TRPC4: variants seen among roughly 807,000 people sequenced by gnomAD.
The protein encoded by TRPC4 is short transient receptor potential channel 4.
TRPC4 carries 49 observed loss-of-function variants against 99.4 expected under a neutral mutation model. That is an observed-to-expected ratio of 0.49 (90% CI 0.39 to 0.63). The LOEUF is 0.63. Among genes scored for constraint, TRPC4 ranks in the 20% least tolerant of loss-of-function variants. The probability of loss-of-function intolerance (pLI) is 0.00; values close to 1 mark genes in which losing one functional copy is unlikely to be tolerated. For synonymous variants in TRPC4, 454 were observed against 425.9 expected, an observed-to-expected ratio of 1.07 and a Z score of -0.81; for missense variants, 898 against 1,152.9, an observed-to-expected ratio of 0.78 and a Z score of 3.20.
chr13:37,680,692 TA>T (rs1953207890), intron 4 of TRPC4, among the ~76,000 whole-genome samples: 1 of 152,146 alleles, frequency 6.6e-6, no homozygotes, highest in African/African-American at 2.4e-5. Flanking sequence ...TAAGGAAGAA[TA>T]TTCTGGCAAT....
intron 7 of TRPC4, among the ~76,000 whole-genome samples, chr13:37,652,845 A>C (rs1156448296): frequency 6.9e-6 from 1 of 144,218 alleles, no homozygotes. Context: ...TATTGCAATC[A>C]CTAAGCAAGT....
At chr13:37,643,578 C>A (rs900014664) in intron 8 of TRPC4, among the ~76,000 whole-genome samples, 15 of 152,080 alleles carry the variant, frequency 9.9e-5, no homozygotes, top group African/African-American at 3.6e-4. Context: ...GTAGGATGAG[C>A]AAATATGCTA....
intron 4 of TRPC4, among the ~76,000 whole-genome samples, chr13:37,688,349 T>C (rs1405751413): frequency 6.6e-6 from 1 of 152,208 alleles, no homozygotes; most frequent in Non-Finnish European, 1.5e-5. Flanking sequence ...AACCTTATTC[T>C]GCCATTGTAC....
chr13:37,713,395 G>T (rs554410987), intron 3 of TRPC4, among the ~76,000 whole-genome samples: 1 of 152,276 alleles, frequency 6.6e-6, no homozygotes, highest in South Asian at 2.1e-4. Context: ...AAGATTGCCT[G>T]AAATAAAAGC....
Position 37,746,142 on chromosome 13 carries a change from C to G in TRPC4, c.692G>C (p.Ser231Thr). 1 of 1,613,858 alleles carries G rather than the reference C, an allele frequency of 6.2e-7. No homozygotes were observed. Among genetic ancestry groups the G allele is most frequent in the African/African-American group, 1.3e-5 (1 of 75,024 alleles). Residue 231 changes from serine to threonine, a missense_variant, in exon 3 of 11, where the codon AGC (serine) becomes ACC (threonine). By Grantham distance (58) the Ser-to-Thr change is moderately conservative. Coordinates refer to ENST00000379705, the MANE Select transcript of TRPC4 (RefSeq NM_016179.4). ...CGACTTGAATTCATTTTCCACCTTG[C>G]TCAGTTCCTGAAGTTCCCAACTTAA... ...FQLSWELQEL[S>T]KVENEFKSEY...
At chr13:37,803,336 A>G (rs1225649493) in intron 1 of TRPC4, among the ~76,000 whole-genome samples, 1 of 152,050 alleles carries the variant, frequency 6.6e-6, no homozygotes, top group African/African-American at 2.4e-5. Flanking sequence ...TACTACTGGA[A>G]TGTCACTGAC....
chr13:37,680,497 G>A (rs906724984), intron 4 of TRPC4, among the ~76,000 whole-genome samples: 5 of 152,086 alleles, frequency 3.3e-5, no homozygotes, highest in Non-Finnish European at 7.3e-5. Flanking sequence ...TGCATAAATT[G>A]CCAACGATTG....
chr13:37,767,379 T>G (rs890196097), intron 2 of TRPC4, among the ~76,000 whole-genome samples: 1 of 151,278 alleles, frequency 6.6e-6, no homozygotes, highest in Admixed American at 6.6e-5. Flanking sequence ...GATATCTGTA[T>G]TTTGTAGAGA....
At chr13:37,644,388 G>GA (rs1473068283) in intron 8 of TRPC4, among the ~76,000 whole-genome samples, 1 of 152,074 alleles carries the variant, frequency 6.6e-6, no homozygotes, top group African/African-American at 2.4e-5. Context: ...TAATACCTAA[G>GA]AAAATGGGTA....
chr13:37,769,509 A>C lies in TRPC4; in HGVS notation c.378+13447T>G, dbSNP rs141535139. On this transcript the variant is annotated intron_variant, in intron 2 of 10. Coordinates refer to ENST00000379705, the MANE Select transcript of TRPC4 (RefSeq NM_016179.4). Reference sequence around the variant, plus strand: ...TTCCTTCTCTTTCTCTATTCAGAGAAAGGCTACATTTTGTTTGGTGATTTA... The same window carrying C: ...TTCCTTCTCTTTCTCTATTCAGAGACAGGCTACATTTTGTTTGGTGATTTA... Among the ~76,000 whole-genome samples the C allele has an allele frequency of 5.1e-4, 77 of 151,640 alleles. No individual in the cohort carries two copies. The East Asian group carries it at 0.014, about 28-fold the overall frequency.
rs973439097 is a variant in TRPC4, at chr13:37,765,230, G to T, written c.378+17726C>A. Among the ~76,000 whole-genome samples, 11 of 151,094 alleles carry T rather than the reference G, an allele frequency of 7.3e-5. No individual in the cohort carries two copies. The Admixed American group carries it at 7.3e-4, about 10-fold the overall frequency. ...TATCAGTGTCTTTTCCCCCAATATTGTTCAGTGTAGACCAGGTATTAATTC... is the reference window on the plus strand; with the variant it reads ...TATCAGTGTCTTTTCCCCCAATATTTTTCAGTGTAGACCAGGTATTAATTC... On this transcript the variant is annotated intron_variant, in intron 2 of 10. Transcript: ENST00000379705.
At chr13:37,745,436 G>GCA (rs1955712204) in intron 3 of TRPC4, among the ~76,000 whole-genome samples, 1 of 20,710 alleles carries the variant, frequency 4.8e-5, no homozygotes, top group African/African-American at 9.3e-5. Flanking sequence ...ATATATATGC[G>GCA]TATATATATA....
chr13:37,863,041 C>T (rs548708867), intron 1 of TRPC4, among the ~76,000 whole-genome samples: 19 of 151,618 alleles, frequency 1.3e-4, no homozygotes, highest in African/African-American at 1.9e-4. Flanking sequence ...GCATGCTACA[C>T]AGGTTTGTAG....
intron 4 of TRPC4, among the ~76,000 whole-genome samples, chr13:37,684,113 T>C (rs1953366718): frequency 6.6e-6 from 1 of 152,216 alleles, no homozygotes; most frequent in African/African-American, 2.4e-5. Context: ...TCTCAGTCTT[T>C]AATGTTTAAA....
At chr13:37,795,042 C>G (rs1286829804) in intron 1 of TRPC4, among the ~76,000 whole-genome samples, 2 of 152,050 alleles carry the variant, frequency 1.3e-5, no homozygotes, top group Non-Finnish European at 2.9e-5. Context: ...TTTTTTACTT[C>G]TAAAAATAAC....
intron 5 of TRPC4, among the ~76,000 whole-genome samples, chr13:37,670,662 G>A (rs1183925707): frequency 1.3e-5 from 2 of 151,970 alleles, no homozygotes; most frequent in East Asian, 3.9e-4. Context: ...TCTATTTCAG[G>A]CAATCATCAT....
intron 1 of TRPC4, among the ~76,000 whole-genome samples, chr13:37,865,987 CTCTTT>C (rs1354186437): frequency 1.3e-5 from 2 of 151,668 alleles, no homozygotes; most frequent in Non-Finnish European, 3.0e-5. Context: ...CCCATTTTCC[CTCTTT>C]TCTTTTTTCA....
intron 1 of TRPC4, among the ~76,000 whole-genome samples, chr13:37,798,706 C>T (rs888284076): frequency 3.9e-5 from 6 of 152,072 alleles, no homozygotes; most frequent in African/African-American, 1.4e-4. Context: ...GATCTCATTA[C>T]GTATTCTCAT....
chr13:37,745,128 A>G (rs979145225), intron 3 of TRPC4, among the ~76,000 whole-genome samples: 9 of 152,106 alleles, frequency 5.9e-5, no homozygotes, highest in Non-Finnish European at 8.8e-5. Flanking sequence ...TAATTTACTA[A>G]GAGTCTTCAC....
Sources: gnomAD v4.1 joint callset for allele counts (sites outside exome capture counted in the v4.1 genomes callset) on GRCh38, gnomAD v4.1.1 for gene constraint, MANE v1.5 for transcripts, NCBI Gene and HGNC (gene_info 2026-07-23, HGNC 2026-07-21) for gene names.